Variants in SRP72 observed in about 807,000 individuals in gnomAD.
The protein encoded by SRP72 is signal recognition particle 72.
SRP72 carries 49 observed loss-of-function variants against 96.3 expected under a neutral mutation model. The observed-to-expected ratio is 0.51, with a 90% confidence interval of 0.40 to 0.65. SRP72 has a LOEUF of 0.65. Among genes scored for constraint, SRP72 ranks in the 30% least tolerant of loss-of-function variants. SRP72 has a pLI of 0.00. For missense variants in SRP72, 736 were observed against 793.3 expected (o/e 0.93, Z 0.87); for synonymous variants, 267 against 275.2 (o/e 0.97, Z 0.30).
chr4:56,480,035 T>C (rs543963287), intron 8 of SRP72, among the ~76,000 whole-genome samples: 4 of 152,280 alleles, frequency 2.6e-5, no homozygotes, highest in African/African-American at 9.6e-5. Flanking sequence ...AGATTCTAGT[T>C]TCTGACTTCA....
Position 56,489,219 on chromosome 4 carries a change from T to C in SRP72, c.1225-169T>C, listed in dbSNP as rs533925363. The C allele has an allele frequency of 1.1e-4, 45 of 420,096 alleles. 1 individual carries two copies. The highest frequency in any genetic ancestry group is 7.3e-4 in the African/African-American group (36 of 49,306). 26.0% of individuals were successfully genotyped at this position (420,096 alleles called of 1,614,324 possible). ...ATTTGGAAAACACGGTTGTTCATGG[T>C]ATTTCTAGAAGTAAAGTTAACTATG... On this transcript the variant is annotated intron_variant, in intron 12 of 18. Coordinates refer to ENST00000642900, the MANE Select transcript of SRP72 (RefSeq NM_006947.4).
At chr4:56,476,502 T>A in intron 5 of SRP72, 169 bp from the exon 6 acceptor site, 1 of 644,152 alleles carries the variant, frequency 1.6e-6, no homozygotes, top group Non-Finnish European at 2.6e-6. Context: ...GTCAAGAGAC[T>A]GATAATATAT....
chr4:56,490,589 C>T lies in SRP72; in HGVS notation c.1446C>T (p.His482=). 1 of 1,613,826 alleles carries T rather than the reference C, an allele frequency of 6.2e-7. No individual in the cohort carries two copies. The highest frequency in any genetic ancestry group is 8.5e-7 in the Non-Finnish European group (1 of 1,179,892). Residue 482 remains histidine (H), a synonymous_variant, in exon 15 of 19, where the codon CAC becomes CAT. Coordinates refer to ENST00000642900, the MANE Select transcript of SRP72 (RefSeq NM_006947.4). ...QLWKQNPKDI[H]TLAQLISAYS... is the part of the protein sequence containing the mutation. ...TTAGACAAAATCCAAAAGATATTCA[C>T]ACCCTGGCACAGCTTATTTCTGCTT...
chr4:56,486,900 T>C (rs1344195788), intron 11 of SRP72, among the ~76,000 whole-genome samples: 2 of 152,222 alleles, frequency 1.3e-5, no homozygotes, highest in African/African-American at 4.8e-5. Flanking sequence ...TGTTTTTGTC[T>C]GTGGTTTTCA....
Position 56,489,487 on chromosome 4 carries a change from A to G in SRP72, c.1320+4A>G. The G allele has an allele frequency of 6.5e-7, 1 of 1,544,672 alleles. No individual in the cohort carries two copies. Among genetic ancestry groups the G allele is most frequent in the Non-Finnish European group, 8.9e-7 (1 of 1,125,470 alleles). On this transcript the variant is annotated splice_donor_region_variant and intron_variant, in intron 13 of 18. Coordinates refer to ENST00000642900, the MANE Select transcript of SRP72 (RefSeq NM_006947.4). ...CCAGTGGTATCAAAACCATCAGGTA[A>G]ATAAATGGAGTAAAATGTTATGAGA...
chr4:56,490,502 T>G, intron 14 of SRP72, 66 bp downstream of exon 14: 4 of 1,589,874 alleles, frequency 2.5e-6, no homozygotes, highest in Non-Finnish European at 2.6e-6. Context: ...ATGAGGGAGT[T>G]ACTTGTTTAT....
chr4:56,484,874 T>C lies in SRP72; in HGVS notation c.1086+10T>C. 3 of 1,607,720 alleles carry C rather than the reference T, an allele frequency of 1.9e-6. No homozygotes were observed. Among genetic ancestry groups the C allele is most frequent in the Non-Finnish European group, 2.5e-6 (3 of 1,178,734 alleles). On this transcript the variant is annotated intron_variant, in intron 10 of 18. Coordinates refer to ENST00000642900, the MANE Select transcript of SRP72 (RefSeq NM_006947.4). The stretch of plus-strand genomic sequence containing the variant: ...AATAGAGCTGCTTCAGGTAAAATAA[T>C]TACTTGAATGAGGTGTCAGACATTT...
At chr4:56,470,401 A>T (rs773040840) in intron 2 of SRP72, among the ~76,000 whole-genome samples, 1 of 152,154 alleles carries the variant, frequency 6.6e-6, no homozygotes, top group Non-Finnish European at 1.5e-5. Context: ...TTAGCTGGGT[A>T]TGGTGGTGTG....
intron 13 of SRP72, 137 bp from the exon 14 acceptor site, chr4:56,490,196 G>A: frequency 1.5e-6 from 1 of 646,584 alleles, no homozygotes; most frequent in Non-Finnish European, 2.7e-6. Flanking sequence ...TGATTTTGTT[G>A]TTTCAGGCAT....
At chr4:56,476,375 T>C in intron 5 of SRP72, 1 of 366,900 alleles carries the variant, frequency 2.7e-6, no homozygotes, top group South Asian at 4.3e-5. Context: ...TTTTATACTT[T>C]TCTATAATTG....
At chr4:56,492,891 G>A (rs773283199) in intron 16 of SRP72, among the ~76,000 whole-genome samples, 8 of 152,060 alleles carry the variant, frequency 5.3e-5, no homozygotes, top group African/African-American at 1.2e-4. Flanking sequence ...AGGCTGAGGC[G>A]GGATGATTGC....
At chr4:56,484,140 TCTC>T (rs534875264) in intron 9 of SRP72, among the ~76,000 whole-genome samples, 2 of 149,894 alleles carry the variant, frequency 1.3e-5, no homozygotes, top group East Asian at 2.0e-4. Context: ...TTCACGCTAT[TCTC>T]CTGCCTCACC....
At chr4:56,471,953 T>C in intron 3 of SRP72, 110 bp downstream of exon 3, 1 of 1,334,874 alleles carries the variant, frequency 7.5e-7, no homozygotes, top group African/African-American at 1.5e-5. Context: ...TCCACAAAAC[T>C]GACCACCAAA....
intron 1 of SRP72, 133 bp downstream of exon 1, chr4:56,467,877 C>T (rs1273537273): frequency 3.3e-6 from 3 of 923,022 alleles, no homozygotes; most frequent in Middle Eastern, 3.6e-4. Flanking sequence ...CTATTGTCCG[C>T]CCGGCTCGGG....
At chr4:56,488,719 GTTC>G (rs1009835357) in intron 12 of SRP72, among the ~76,000 whole-genome samples, 1 of 152,092 alleles carries the variant, frequency 6.6e-6, no homozygotes, top group African/African-American at 2.4e-5. Flanking sequence ...TGGCATAAAA[GTTC>G]TTCATTTTAT....
chr4:56,502,082 A>G lies in SRP72; in HGVS notation c.*221A>G, dbSNP rs149250989. On this transcript the variant is annotated 3_prime_UTR_variant, in exon 19 of 19. Coordinates refer to ENST00000642900, the MANE Select transcript of SRP72 (RefSeq NM_006947.4). Reference sequence around the variant, plus strand: ...TTTGTACAGATTATGAGGACTGAAAATAATTGGGCATTTACCCATCTTGGT... The same window carrying G: ...TTTGTACAGATTATGAGGACTGAAAGTAATTGGGCATTTACCCATCTTGGT... The G allele has an allele frequency of 1.7e-3, 894 of 515,274 alleles. 3 individuals are homozygous for G. Among genetic ancestry groups the G allele is most frequent in the Non-Finnish European group, 2.8e-3 (791 of 281,502 alleles). 31.9% of individuals were successfully genotyped at this position (515,274 alleles called of 1,614,324 possible). A position where few individuals can be genotyped will look rare whatever the true frequency, so the allele number is the denominator to read the frequency against.
At chr4:56,487,902 T>C in intron 11 of SRP72, 47 bp from the exon 12 acceptor site, 1 of 1,420,388 alleles carries the variant, frequency 7.0e-7, no homozygotes. Context: ...TTTTTTTTCA[T>C]AATATGTGTT....
chr4:56,497,470 C>T lies in SRP72; in HGVS notation c.1678+2076C>T, dbSNP rs370693071. ...TCCTCACCTCGTGATCTGCCCACCT[C>T]GGCCTCCCAAAGTGCTGGGATTACA... On this transcript the variant is annotated intron_variant, in intron 17 of 18. Coordinates refer to ENST00000642900, the MANE Select transcript of SRP72 (RefSeq NM_006947.4). 3.8e-3 allele frequency among the ~76,000 whole-genome samples: 583 copies of T among 152,172 alleles called. 5 individuals are homozygous for T. Among genetic ancestry groups the T allele is most frequent in the African/African-American group, 0.013 (533 of 41,530 alleles).
At chr4:56,468,242 C>G (rs997378262) in intron 1 of SRP72, among the ~76,000 whole-genome samples, 1 of 152,220 alleles carries the variant, frequency 6.6e-6, no homozygotes, top group Non-Finnish European at 1.5e-5. Context: ...TGTACGGGTT[C>G]TACGGGGCGA....
Sources: allele counts gnomAD v4.1 joint callset (sites outside exome capture counted in the v4.1 genomes callset), GRCh38; gene constraint gnomAD v4.1.1; transcripts MANE v1.5; gene names NCBI Gene and HGNC (gene_info 2026-07-23, HGNC 2026-07-21).